Variants in DNAH2 observed in about 807,000 individuals in gnomAD.
DNAH2 encodes the protein axonemal beta dynein heavy chain 2.
In DNAH2, 323 loss-of-function variants were observed where a neutral mutation model predicts 523.5. The observed-to-expected ratio is 0.62, with a 90% CI of 0.56 to 0.68. The LOEUF is 0.68. Among genes scored for constraint, DNAH2 ranks in the 30% least tolerant of loss-of-function variants. The probability of loss-of-function intolerance (pLI) is 0.00; values close to 1 mark genes in which losing one functional copy is unlikely to be tolerated. For synonymous variants in DNAH2, 2,093 were observed against 2,177.4 expected (o/e 0.96, Z 1.08); for missense variants, 4,907 against 5,701.5 (o/e 0.86, Z 4.49).
chr17:7,801,599 A>G lies in DNAH2; in HGVS notation c.8721A>G (p.Pro2907=). 6.2e-7 allele frequency: 1 copy of G among 1,614,198 alleles called. No homozygotes were observed. Among genetic ancestry groups the G allele is most frequent in the Non-Finnish European group, 8.5e-7 (1 of 1,180,030 alleles). ...DPFRNWIRQY[P]ALVNCTTINW... ...CCAGGAACTGGATCCGCCAGTACCC[A>G]GCCTTGGTGAACTGCACAACCATCA... Residue 2907 remains proline, a synonymous_variant, in exon 57 of 86, where the codon CCA becomes CCG. Transcript: ENST00000572933.
chr17:7,802,231 C>G (rs1298419633), intron 58 of DNAH2, among the ~76,000 whole-genome samples: 1 of 152,198 alleles, frequency 6.6e-6, no homozygotes, highest in African/African-American at 2.4e-5. Flanking sequence ...CCCTCTTGGC[C>G]CTTATTTTCT....
intron 9 of DNAH2, 134 bp downstream of exon 9, chr17:7,740,072 G>GA (rs1484766830): frequency 7.5e-6 from 5 of 665,468 alleles, no homozygotes; most frequent in Non-Finnish European, 9.1e-6. Flanking sequence ...GGCCCGGGGG[G>GA]GGGGACAGGA....
intron 79 of DNAH2, 41 bp downstream of exon 79, chr17:7,830,883 AAGTC>A (rs2078154762): frequency 1.2e-6 from 2 of 1,611,006 alleles, no homozygotes; most frequent in East Asian, 4.5e-5. Context: ...CAGAGGTCAC[AAGTC>A]AGCCAGGTGG....
intron 8 of DNAH2, 36 bp from the exon 9 acceptor site, chr17:7,739,697 G>A (rs72829797): frequency 0.014 from 22,292 of 1,593,476 alleles, 216 homozygotes; most frequent in Non-Finnish European, 0.016. Flanking sequence ...GAGTTTGGAA[G>A]GAAAGCAGGA....
intron 24 of DNAH2, 143 bp downstream of exon 24, chr17:7,768,410 C>T: frequency 1.2e-6 from 1 of 802,568 alleles, no homozygotes; most frequent in Non-Finnish European, 1.9e-6. Flanking sequence ...TCTCTTTCCT[C>T]TTTTTAACAT....
chr17:7,785,392 C>T (rs1046792035), intron 39 of DNAH2, among the ~76,000 whole-genome samples: 9 of 152,150 alleles, frequency 5.9e-5, no homozygotes, highest in Non-Finnish European at 1.0e-4. Flanking sequence ...CGTGAGCCAC[C>T]GCGCCTGGCT....
chr17:7,776,002 C>T (rs377313680), intron 30 of DNAH2, 22 bp from the exon 31 acceptor site: 1 of 1,612,940 alleles, frequency 6.2e-7, no homozygotes, highest in African/African-American at 1.3e-5. Context: ...CTGAGCTGCC[C>T]TATTCTCCCA....
rs372849861 is a variant in DNAH2 at position 7,765,510 on chromosome 17, G to A, written c.3456G>A (p.Ser1152=). ...KEKFKTGLIH[S]ADDFKKKAHT... ...AATTCAAGACAGGCCTGATCCACTCGGCAGATGACTTCAAGAAGAAAGCAC... is the reference window on the plus strand; with the variant it reads ...AATTCAAGACAGGCCTGATCCACTCAGCAGATGACTTCAAGAAGAAAGCAC... The change falls in exon 21 of 86, where the codon TCG becomes TCA. Residue 1152 remains serine (S), a synonymous_variant. Coordinates refer to ENST00000572933, the MANE Select transcript of DNAH2 (RefSeq NM_020877.5). 77 of 1,614,078 alleles carry A rather than the reference G, an allele frequency of 4.8e-5. No individual in the cohort carries two copies. In the African/African-American group the frequency reaches 6.3e-4, roughly 13 times the overall value.
chr17:7,779,586 G>C (rs1050601712), intron 36 of DNAH2, among the ~76,000 whole-genome samples, 163 bp downstream of exon 36: 1 of 152,202 alleles, frequency 6.6e-6, no homozygotes, highest in Admixed American at 6.5e-5. Flanking sequence ...ACAACTTTCC[G>C]GGAGAAGGGG....
chr17:7,793,799 C>T (rs897645963), intron 48 of DNAH2, among the ~76,000 whole-genome samples: 1 of 151,930 alleles, frequency 6.6e-6, no homozygotes, highest in African/African-American at 2.4e-5. Flanking sequence ...CGGCCTGGCT[C>T]CTGGGGTTGT....
intron 11 of DNAH2, among the ~76,000 whole-genome samples, chr17:7,742,237 T>A (rs2075374558): frequency 6.6e-6 from 1 of 151,870 alleles, no homozygotes; most frequent in Non-Finnish European, 1.5e-5. Context: ...CATGACCAGT[T>A]TGGCCAACAT....
At position 7,832,660 on chromosome 17, in the gene DNAH2, C is replaced by T. The variant is rs141336833; in HGVS notation, c.12808C>T (p.Arg4270Trp). 55 of 1,614,034 alleles carry T rather than the reference C, an allele frequency of 3.4e-5. 1 individual carries two copies. In the Admixed American group the frequency reaches 4.5e-4, roughly 13 times the overall value. The change falls in exon 83 of 86, where the codon CGG becomes TGG. Residue 4270 changes from arginine (R) to tryptophan (W), a missense_variant. Physicochemically the swap from Arg to Trp is moderately radical, Grantham distance 101 (BLOSUM62 -3). Transcript: ENST00000572933. This position sits in a 1 kb window ranked among gnomAD's most constrained non-coding sequence, Gnocchi z 4.3. ...RVEQFELWAS[R>W]ARPPVIFWLS... The stretch of plus-strand genomic sequence containing the variant: ...GGAGCAGTTTGAGCTGTGGGCCAGC[C>T]GGGCCCGGCCTCCTGTGATCTTCTG...
chr17:7,764,169 G>T lies in DNAH2; in HGVS notation c.3232G>T (p.Val1078Leu). 1 of 1,614,198 alleles carries T rather than the reference G, an allele frequency of 6.2e-7. No homozygotes were observed. Among genetic ancestry groups the T allele is most frequent in the Non-Finnish European group, 8.5e-7 (1 of 1,180,040 alleles). The part of the protein sequence containing the change: ...LEELGVSLQL[V>L]DALKHDLANV... ...GGAACTGGGGGTCAGCTTGCAGCTC[G>T]TGGATGCCCTGAAGCACGACTTGGC... The change falls in exon 20 of 86, where the codon GTG (valine) becomes TTG (leucine). Residue 1078 changes from valine (V) to leucine (L), a missense_variant. Physicochemically the swap from Val to Leu is conservative, Grantham distance 32. Transcript: ENST00000572933.
At chr17:7,756,953 G>A in intron 12 of DNAH2, 138 bp from the exon 13 acceptor site, 3 of 1,303,788 alleles carry the variant, frequency 2.3e-6, no homozygotes, top group Non-Finnish European at 3.2e-6. Context: ...TTACAGGCGT[G>A]AGCCACCATA....
At chr17:7,777,402 G>A (rs771800046) in intron 32 of DNAH2, 44 bp from the exon 33 acceptor site, 16 of 1,607,500 alleles carry the variant, frequency 1.0e-5, no homozygotes, top group East Asian at 8.9e-5. Context: ...AGGCTTTGGC[G>A]GCATTGCTCT....
intron 9 of DNAH2, 112 bp downstream of exon 9, chr17:7,740,050 G>A (rs2075263334): frequency 1.3e-6 from 1 of 760,010 alleles, no homozygotes; most frequent in Admixed American, 3.0e-5. Flanking sequence ...GACAGATCGG[G>A]ATCAGGGCGG....
At chr17:7,747,700 G>A (rs1349348312) in intron 12 of DNAH2, among the ~76,000 whole-genome samples, 2 of 152,140 alleles carry the variant, frequency 1.3e-5, no homozygotes, top group African/African-American at 4.8e-5. Context: ...AAATAATGGC[G>A]AAACACGTCT....
Position 7,780,341 on chromosome 17 carries a change from T to C in DNAH2, c.5850+57T>C. 4 of 1,610,186 alleles carry C rather than the reference T, an allele frequency of 2.5e-6. No individual in the cohort carries two copies. Reference sequence around the variant, plus strand: ...TTAATTTCCTTTCATAATTATTCCCTGGACAGAGGAGCTCCCCAAGGGCCT... The same window carrying C: ...TTAATTTCCTTTCATAATTATTCCCCGGACAGAGGAGCTCCCCAAGGGCCT... On this transcript the variant is annotated intron_variant, in intron 37 of 85. Transcript: ENST00000572933. The surrounding 1 kb of genome is among the most constrained non-coding windows in gnomAD (Gnocchi z 4.4).
rs187205736 is a variant in DNAH2 at position 7,725,290 on chromosome 17, A to T, written c.228+1601A>T. ...TTTTTAGTAGAGACGGGGTTTCATCATGTTGGCCAGGCTGGTCTTGAACTC... is the reference window on the plus strand; with the variant it reads ...TTTTTAGTAGAGACGGGGTTTCATCTTGTTGGCCAGGCTGGTCTTGAACTC... On this transcript the variant is annotated intron_variant, in intron 3 of 85. Coordinates refer to ENST00000572933, the MANE Select transcript of DNAH2 (RefSeq NM_020877.5). Among the ~76,000 whole-genome samples, 1,272 of 149,774 alleles carry T rather than the reference A, an allele frequency of 8.5e-3. 4 individuals are homozygous for T. The highest frequency in any genetic ancestry group is 0.013 in the Non-Finnish European group (861 of 67,558).
Sources: allele counts gnomAD v4.1 joint callset (sites outside exome capture counted in the v4.1 genomes callset), GRCh38; gene constraint gnomAD v4.1.1; non-coding constraint Gnocchi (gnomAD v3.1); transcripts MANE v1.5; gene names NCBI Gene and HGNC (gene_info 2026-07-23, HGNC 2026-07-21).